Variants in NEBL observed in about 807,000 individuals in gnomAD.
NEBL encodes the protein LIM and SH3 protein 2.
A neutral mutation model predicts 140.2 loss-of-function variants in NEBL; 122 were observed. That is an observed-to-expected ratio of 0.87 (90% CI 0.75 to 1.01). The LOEUF (loss-of-function observed/expected upper bound fraction) is 1.01. Ranked by LOEUF, NEBL falls within the 50% of genes least tolerant of loss-of-function variation. NEBL has a pLI of 0.00. For missense variants in NEBL, 1,365 were observed against 1,231.3 expected (o/e 1.11, Z -1.62); for synonymous variants, 436 against 398.9 (o/e 1.09, Z -1.11).
At chr10:21,029,191 G>T in intron 2 of NEBL, 1 of 1,391,582 alleles carries the variant, frequency 7.2e-7, no homozygotes, top group Non-Finnish European at 1.0e-6. Context: ...TGTGTATAGG[G>T]CGCCTCCAAT....
intron 3 of NEBL, among the ~76,000 whole-genome samples, chr10:20,973,398 C>T (rs953723001): frequency 6.6e-6 from 1 of 151,992 alleles, no homozygotes; most frequent in African/African-American, 2.4e-5. Flanking sequence ...TGGGCATGAG[C>T]AACCATGTCC....
chr10:21,249,649 T>C (rs1318150534), intron 2 of NEBL, among the ~76,000 whole-genome samples: 1 of 151,038 alleles, frequency 6.6e-6, no homozygotes, highest in Non-Finnish European at 1.5e-5. Context: ...ATTTATTTAT[T>C]ATTTTATTTA....
At chr10:21,239,926 G>T (rs993386380) in intron 3 of NEBL, among the ~76,000 whole-genome samples, 24 of 151,790 alleles carry the variant, frequency 1.6e-4, no homozygotes, top group Admixed American at 1.6e-3. Context: ...TGAGGCAGGA[G>T]AATGGCATGA....
intron 1 of NEBL, among the ~76,000 whole-genome samples, chr10:21,290,828 G>A (rs1843132269): frequency 6.6e-6 from 1 of 152,148 alleles, no homozygotes; most frequent in African/African-American, 2.4e-5. Context: ...CCCCTATGAA[G>A]AGTATATTTA....
intron 2 of NEBL, among the ~76,000 whole-genome samples, chr10:21,025,068 A>G (rs1264865576): frequency 6.6e-6 from 1 of 152,044 alleles, no homozygotes; most frequent in Non-Finnish European, 1.5e-5. Context: ...GAAGAATAAC[A>G]CTTTTTTCCT....
chr10:20,946,234 A>G (rs577356311), intron 4 of NEBL, among the ~76,000 whole-genome samples: 22 of 152,248 alleles, frequency 1.4e-4, no homozygotes, highest in African/African-American at 5.1e-4. Context: ...CAAAGTCTAC[A>G]TGTTGTTTCT....
intron 2 of NEBL, among the ~76,000 whole-genome samples, chr10:21,115,418 T>G (rs61851471): frequency 0.11 from 17,250 of 152,174 alleles, 1,035 homozygotes; most frequent in South Asian, 0.15. Context: ...TCTGTTAACA[T>G]TTCCTGTACT....
intron 3 of NEBL, among the ~76,000 whole-genome samples, chr10:21,239,195 T>C (rs1409108242): frequency 6.6e-6 from 1 of 152,092 alleles, no homozygotes; most frequent in African/African-American, 2.4e-5. Context: ...TGAATAATAG[T>C]CCCAAGTCTG....
In NEBL at chr10:21,019,924, A is replaced by G. The variant is rs539986973; in HGVS notation, c.249+193T>C. Among the ~76,000 whole-genome samples, 4 of 152,362 alleles carry G rather than the reference A, an allele frequency of 2.6e-5. No individual in the cohort carries two copies. In the South Asian group the frequency reaches 8.3e-4, roughly 32 times the overall value. ...CAACGTGAATAACAAAACTGAGAATATCAGGACAATTCAAGACCGGGAACA... is the reference window on the plus strand; with the variant it reads ...CAACGTGAATAACAAAACTGAGAATGTCAGGACAATTCAAGACCGGGAACA... On this transcript the variant is annotated intron_variant, in intron 3 of 6. Transcript: ENST00000417816.
At chr10:21,176,065 C>T (rs1212985820), upstream of NEBL, among the ~76,000 whole-genome samples, 1 of 151,994 alleles carries the variant, frequency 6.6e-6, no homozygotes, top group Non-Finnish European at 1.5e-5. Flanking sequence ...TCATGACTCA[C>T]TGCCTCAGTG....
At chr10:21,059,267 C>T (rs893764026) in intron 2 of NEBL, among the ~76,000 whole-genome samples, 4 of 152,158 alleles carry the variant, frequency 2.6e-5, no homozygotes, top group African/African-American at 7.2e-5. Context: ...CCAGGCACTC[C>T]GTATGGTCTG....
In NEBL at chr10:20,831,404, A is replaced by G. The variant is rs1840398920; in HGVS notation, c.1560+69T>C. 2.0e-6 allele frequency: 3 copies of G among 1,505,666 alleles called. No individual in the cohort carries two copies. The African/African-American group carries it at 4.1e-5, about 21-fold the overall frequency. 93.3% of individuals were successfully genotyped at this position (1,505,666 alleles called of 1,614,324 possible). A position where few individuals can be genotyped will look rare whatever the true frequency, so the allele number is the denominator to read the frequency against. On this transcript the variant is annotated intron_variant, in intron 15 of 27. Transcript: ENST00000377122. ...TCTCAAAGCCACCCATGTGGAAAGA[A>G]AACTTATGCTCTTTCCAGCTATGAT...
At chr10:20,886,603 A>G (rs891373685) in intron 4 of NEBL, among the ~76,000 whole-genome samples, 1 of 152,132 alleles carries the variant, frequency 6.6e-6, no homozygotes, top group African/African-American at 2.4e-5. Flanking sequence ...GGTAGGAAAA[A>G]TATAGCATAG....
intron 3 of NEBL, among the ~76,000 whole-genome samples, chr10:21,184,577 A>T (rs1021758235): frequency 1.3e-5 from 2 of 152,228 alleles, no homozygotes; most frequent in Admixed American, 1.3e-4. Flanking sequence ...AGCCTTCATT[A>T]TATGAAAAGG....
chr10:20,834,328 C>T (rs779880730), intron 14 of NEBL, among the ~76,000 whole-genome samples: 3 of 152,068 alleles, frequency 2.0e-5, no homozygotes, highest in African/African-American at 2.4e-5. Context: ...TCTCTCAGGA[C>T]GAGAACAGAA....
intron 4 of NEBL, among the ~76,000 whole-genome samples, chr10:20,911,815 GC>G: frequency 6.6e-6 from 1 of 152,282 alleles, no homozygotes; most frequent in East Asian, 1.9e-4. Context: ...ACTTTGAAAA[GC>G]TTTTAAGCAT....
At chr10:20,952,418 C>T in intron 4 of NEBL, among the ~76,000 whole-genome samples, 1 of 122,342 alleles carries the variant, frequency 8.2e-6, no homozygotes, top group Admixed American at 1.0e-4. Flanking sequence ...GCCTGGGCAA[C>T]AGCGTGAGAC....
intron 24 of NEBL, among the ~76,000 whole-genome samples, chr10:20,811,406 C>A (rs371243865): frequency 1.2e-4 from 18 of 152,168 alleles, no homozygotes; most frequent in African/African-American, 4.1e-4. Context: ...AGAACCCCTG[C>A]ACTATCCCTT....
chr10:21,036,412 C>G (rs1834019269), intron 2 of NEBL, among the ~76,000 whole-genome samples: 1 of 151,842 alleles, frequency 6.6e-6, no homozygotes, highest in Non-Finnish European at 1.5e-5. Context: ...CATAATTGCA[C>G]CTCTGCACTC....
Sources: gnomAD v4.1 joint callset for allele counts (sites outside exome capture counted in the v4.1 genomes callset) on GRCh38, gnomAD v4.1.1 for gene constraint, MANE v1.5 for transcripts, NCBI Gene and HGNC (gene_info 2026-07-23, HGNC 2026-07-21) for gene names.